The following KIF16B variants were observed in gnomAD, a reference collection of about 807,000 sequenced individuals.
The protein encoded by KIF16B is kinesin family member 16B.
Under a neutral mutation model 156.3 loss-of-function variants are expected in KIF16B, and 98 were observed. The ratio of observed to expected loss-of-function variants is 0.63; its 90% CI spans 0.53 to 0.74. The LOEUF is 0.74. KIF16B is among the 30% of genes least tolerant of loss of function. The pLI, the probability that KIF16B is intolerant of heterozygous loss-of-function variation, is 0.00. For synonymous variants in KIF16B, 564 were observed against 583.7 expected (o/e 0.97, Z 0.49); for missense variants, 1,421 against 1,606.5 (o/e 0.88, Z 1.97).
chr20:16,281,980 C>T (rs2063152779), intron 25 of KIF16B, among the ~76,000 whole-genome samples: 2 of 151,936 alleles, frequency 1.3e-5, no homozygotes, highest in South Asian at 2.1e-4. Context: ...AAGCTTTCTA[C>T]ACACCAGTGT....
intron 23 of KIF16B, among the ~76,000 whole-genome samples, chr20:16,352,520 G>A (rs958703360): frequency 1.3e-5 from 2 of 152,148 alleles, no homozygotes; most frequent in South Asian, 2.1e-4. Flanking sequence ...GGGAACCCCC[G>A]TTGACTTTCT....
At position 16,379,420 on chromosome 20, in the gene KIF16B, AG is replaced by A; in HGVS notation, c.2581del (p.Leu861Ter). 1 of 1,612,700 alleles carries A rather than the reference AG, an allele frequency of 6.2e-7. No individual in the cohort carries two copies. The highest frequency in any genetic ancestry group is 1.7e-4 in the Middle Eastern group (1 of 6,060). On this transcript the variant is annotated frameshift_variant, in exon 19 of 26. Coordinates refer to ENST00000354981, the MANE Select transcript of KIF16B (RefSeq NM_024704.5). LOFTEE classifies it high-confidence loss of function. ...GTCATGTTCACATTTTAAACACTCTAGGATCTCCTGTTCTTCTTGGACTTCT... is the reference window on the plus strand; with the variant it reads ...GTCATGTTCACATTTTAAACACTCTAGATCTCCTGTTCTTCTTGGACTTCT... ...KKEVQEEQEI[L>X]ECLKCEHDKE...
chr20:16,382,955 T>C (rs1434704426), intron 17 of KIF16B, among the ~76,000 whole-genome samples: 1 of 152,188 alleles, frequency 6.6e-6, no homozygotes, highest in Non-Finnish European at 1.5e-5. Flanking sequence ...AATTTAATAA[T>C]GTGGAGTAAT....
At chr20:16,483,710 G>A (rs1036645820) in intron 12 of KIF16B, among the ~76,000 whole-genome samples, 13 of 152,042 alleles carry the variant, frequency 8.6e-5, no homozygotes, top group African/African-American at 2.4e-4. Flanking sequence ...GGTGACCAAC[G>A]TCAGAAAAAT....
intron 1 of KIF16B, among the ~76,000 whole-genome samples, chr20:16,538,750 T>C (rs2070077778): frequency 6.6e-6 from 1 of 152,228 alleles, no homozygotes. Context: ...ACAAATCTCA[T>C]GATGAATTGT....
intron 20 of KIF16B, among the ~76,000 whole-genome samples, chr20:16,373,484 G>A (rs907618194): frequency 2.0e-5 from 3 of 152,194 alleles, no homozygotes; most frequent in African/African-American, 7.2e-5. Flanking sequence ...CTAAGCCACA[G>A]AGCAATACAC....
chr20:16,367,944 AGGT>A, intron 22 of KIF16B: 1 of 1,445,914 alleles, frequency 6.9e-7, no homozygotes, highest in Non-Finnish European at 9.0e-7. Context: ...GACCAGAGAG[AGGT>A]AGAGCATGAA....
chr20:16,515,768 G>T (rs2069124906), intron 3 of KIF16B, 104 bp from the exon 4 acceptor site: 2 of 652,994 alleles, frequency 3.1e-6, no homozygotes, highest in Non-Finnish European at 5.4e-6. Context: ...AGCTCTTAAG[G>T]ATTAGACCAT....
At chr20:16,422,727 T>C (rs1427355243) in intron 15 of KIF16B, among the ~76,000 whole-genome samples, 2 of 152,274 alleles carry the variant, frequency 1.3e-5, no homozygotes, top group East Asian at 1.9e-4. Flanking sequence ...TTAAAAACTT[T>C]CAAAGTTTTA....
In KIF16B at chr20:16,516,444, A is replaced by C. The variant is rs540062670; in HGVS notation, c.232-780T>G. On this transcript the variant is annotated intron_variant, in intron 3 of 25. Coordinates refer to ENST00000354981, the MANE Select transcript of KIF16B (RefSeq NM_024704.5). ...AAAGTCTTAGTTATAGCCAGCTGGA[A>C]ACAGACAACAAAAGCTTTCATGTAG... is the stretch of plus-strand genomic sequence containing the variant. 1.1e-3 allele frequency among the ~76,000 whole-genome samples: 164 copies of C among 152,310 alleles called. No homozygotes were observed. The Middle Eastern group carries it at 0.02, about 19-fold the overall frequency.
chr20:16,352,350 A>G (rs909007216), intron 23 of KIF16B, among the ~76,000 whole-genome samples: 2 of 152,242 alleles, frequency 1.3e-5, no homozygotes, highest in African/African-American at 4.8e-5. Context: ...GTTATTTCAT[A>G]AAAGAGTTGT....
In KIF16B at chr20:16,507,969, T is replaced by C; in HGVS notation, c.688A>G (p.Lys230Glu). Residue 230 changes from lysine to glutamate, a missense_variant, in exon 7 of 26, where the codon AAG becomes GAG. Transcript: ENST00000354981. ...SSRSHAIFTIKFTQAKFDSEM... is the reference protein window; with the variant it reads ...SSRSHAIFTIEFTQAKFDSEM... ...GCAGCAGCCCTTACCTGAGTGAACTTGATGGTGAAGATGGCATGAGACCTG... is the reference window on the plus strand; with the variant it reads ...GCAGCAGCCCTTACCTGAGTGAACTCGATGGTGAAGATGGCATGAGACCTG... 6.2e-7 allele frequency: 1 copy of C among 1,614,034 alleles called. No individual in the cohort carries two copies. Among genetic ancestry groups the C allele is most frequent in the East Asian group, 2.2e-5 (1 of 44,878 alleles).
At chr20:16,536,292 T>G (rs1222928626) in intron 1 of KIF16B, among the ~76,000 whole-genome samples, 1 of 151,498 alleles carries the variant, frequency 6.6e-6, no homozygotes, top group Non-Finnish European at 1.5e-5. Context: ...AAAAAATGGA[T>G]CATATGGAGA....
chr20:16,378,754 A>G (rs994164945), intron 19 of KIF16B, 51 bp downstream of exon 19: 3 of 1,492,520 alleles, frequency 2.0e-6, no homozygotes, highest in African/African-American at 1.4e-5. Flanking sequence ...GTGAAAAATG[A>G]GCACTCATTT....
chr20:16,426,807 G>A (rs531108973), intron 15 of KIF16B, among the ~76,000 whole-genome samples: 3 of 151,974 alleles, frequency 2.0e-5, no homozygotes, highest in Admixed American at 2.0e-4. Flanking sequence ...TTGTGTTAAG[G>A]TTTTGCATTT....
chr20:16,327,498 C>T (rs761739034), intron 24 of KIF16B, among the ~76,000 whole-genome samples: 4 of 151,974 alleles, frequency 2.6e-5, no homozygotes, highest in African/African-American at 4.8e-5. Flanking sequence ...AAGAGGACAG[C>T]CAATGTCTTA....
chr20:16,493,529 C>T (rs1236323557), intron 12 of KIF16B, among the ~76,000 whole-genome samples: 1 of 152,104 alleles, frequency 6.6e-6, no homozygotes, highest in Admixed American at 6.6e-5. Context: ...AAAGTTTTAC[C>T]TCAACAGATG....
At chr20:16,447,471 T>C (rs2066965624) in intron 12 of KIF16B, among the ~76,000 whole-genome samples, 1 of 151,910 alleles carries the variant, frequency 6.6e-6, no homozygotes, top group African/African-American at 2.4e-5. Flanking sequence ...ACTGGAAAAG[T>C]CCAATAAAAA....
At chr20:16,435,128 A>G (rs907022295) in intron 12 of KIF16B, among the ~76,000 whole-genome samples, 2 of 152,246 alleles carry the variant, frequency 1.3e-5, no homozygotes, top group African/African-American at 2.4e-5. Flanking sequence ...TTCCTAAAAT[A>G]TCCTTGTAAG....
Sources: allele counts gnomAD v4.1 joint callset (sites outside exome capture counted in the v4.1 genomes callset), GRCh38; gene constraint gnomAD v4.1.1; transcripts MANE v1.5; gene names NCBI Gene and HGNC (gene_info 2026-07-23, HGNC 2026-07-21).